Variants in PHTF2 observed in about 807,000 individuals in gnomAD.
PHTF2 encodes putative homeodomain transcription factor 2, also known as protein PHTF2.
Under a neutral mutation model 101.2 loss-of-function variants are expected in PHTF2, and 60 were observed. The ratio of observed to expected loss-of-function variants is 0.59; its 90% CI spans 0.48 to 0.73. The LOEUF is 0.73. Ranked by LOEUF, PHTF2 falls within the 30% of genes least tolerant of loss-of-function variation. The pLI is 0.00. For missense variants in PHTF2, 747 were observed against 908.7 expected (o/e 0.82, Z 2.29); for synonymous variants, 311 against 307.3 (o/e 1.01, Z -0.13).
chr7:77,943,222 G>A lies in PHTF2; in HGVS notation c.1959+436G>A, dbSNP rs568992317. Among the ~76,000 whole-genome samples, 38 of 152,242 alleles carry A rather than the reference G, an allele frequency of 2.5e-4. No homozygotes were observed. In the South Asian group the frequency reaches 7.5e-3, roughly 30 times the overall value. ...TGCAACCTCCGCCTCCCGGGTTCAC[G>A]CCATTCTCCTGCCTCAGCCTCCTGA... On this transcript the variant is annotated intron_variant, in intron 16 of 19. Transcript: ENST00000416283.
At chr7:77,865,772 G>A (rs985965344) in intron 3 of PHTF2, among the ~76,000 whole-genome samples, 5 of 152,098 alleles carry the variant, frequency 3.3e-5, no homozygotes, top group African/African-American at 1.2e-4. Context: ...AATTTATATA[G>A]TTTTTTATTC....
At chr7:77,918,781 C>T (rs1425920611) in intron 9 of PHTF2, among the ~76,000 whole-genome samples, 1 of 152,104 alleles carries the variant, frequency 6.6e-6, no homozygotes, top group Non-Finnish European at 1.5e-5. Flanking sequence ...CTTATTGTTC[C>T]CTTGGTCTCT....
At chr7:77,912,802 G>A (rs562546235) in intron 9 of PHTF2, among the ~76,000 whole-genome samples, 2 of 129,076 alleles carry the variant, frequency 1.5e-5, no homozygotes, top group East Asian at 4.7e-4. Flanking sequence ...GCGTGATCAT[G>A]GCTCCCTGAA....
intron 12 of PHTF2, among the ~76,000 whole-genome samples, chr7:77,935,214 CTTTTTTTTT>C (rs1158677069): frequency 1.4e-4 from 8 of 59,248 alleles, no homozygotes; most frequent in African/African-American, 3.4e-4. Flanking sequence ...GTAATTTACC[CTTTTTTTTT>C]TTTTTTTTTT....
intron 3 of PHTF2, among the ~76,000 whole-genome samples, chr7:77,860,365 C>T (rs1797537311): frequency 6.6e-6 from 1 of 152,170 alleles, no homozygotes; most frequent in South Asian, 2.1e-4. Context: ...TTTGAGGCTA[C>T]AGGATTTTGT....
At chr7:77,914,335 G>A (rs76493347) in intron 9 of PHTF2, among the ~76,000 whole-genome samples, 3 of 152,166 alleles carry the variant, frequency 2.0e-5, no homozygotes, top group Admixed American at 6.5e-5. Flanking sequence ...AGTTGGATAT[G>A]CAATATTTTT....
At chr7:77,878,957 T>C (rs1799174821) in intron 3 of PHTF2, among the ~76,000 whole-genome samples, 1 of 152,226 alleles carries the variant, frequency 6.6e-6, no homozygotes, top group South Asian at 2.1e-4. Flanking sequence ...GTGGATGTTA[T>C]CTAGTTCACC....
chr7:77,940,900 T>TTATTAATTATTAAAAATTATTTAA (rs1181766585), intron 15 of PHTF2, among the ~76,000 whole-genome samples: 2 of 152,220 alleles, frequency 1.3e-5, no homozygotes, highest in African/African-American at 4.8e-5. Flanking sequence ...GACCTATTAC[T>TTATTAATTATTAAAAATTATTTAA]ATTTTAAAAT....
intron 1 of PHTF2, among the ~76,000 whole-genome samples, chr7:77,827,432 G>A (rs918458803): frequency 5.3e-5 from 8 of 152,186 alleles, no homozygotes; most frequent in East Asian, 1.9e-4. Context: ...TCGGCTCATC[G>A]TGACCTCTGC....
At chr7:77,874,930 T>G (rs935479701) in intron 3 of PHTF2, among the ~76,000 whole-genome samples, 5 of 152,220 alleles carry the variant, frequency 3.3e-5, no homozygotes, top group African/African-American at 1.2e-4. Flanking sequence ...CAGGTGGTTA[T>G]AAATAGGTGG....
intron 9 of PHTF2, among the ~76,000 whole-genome samples, chr7:77,911,274 T>C (rs567063110): frequency 6.6e-6 from 1 of 152,066 alleles, no homozygotes; most frequent in East Asian, 1.9e-4. Context: ...CAAAAATGGC[T>C]TTTTGCATAC....
In PHTF2 at chr7:77,841,075, C is replaced by CTT. The variant is rs57283892; in HGVS notation, c.45+794_45+795dup. Among the ~76,000 whole-genome samples the CTT allele has an allele frequency of 1.3e-3, 100 of 77,244 alleles. 11 individuals carry two copies. The highest frequency in any genetic ancestry group is 2.8e-3 in the African/African-American group (42 of 14,888). The allele number at this position is 77,244 out of a possible 152,430, so 50.7% of individuals were successfully genotyped here. ...TTTCTTATATAGGAGAAAAAACAGA[C>CTT]TTTTTTTTTTTTTTTTTTTTGAGAT... On this transcript the variant is annotated intron_variant, in intron 2 of 19. Coordinates refer to ENST00000416283, the Ensembl canonical transcript of PHTF2.
intron 19 of PHTF2, among the ~76,000 whole-genome samples, chr7:77,954,614 A>ATG (rs1806838731): frequency 2.5e-5 from 1 of 39,416 alleles, no homozygotes; most frequent in Non-Finnish European, 5.3e-5. Flanking sequence ...AGTACTGTGT[A>ATG]TATATATATA....
intron 1 of PHTF2, among the ~76,000 whole-genome samples, chr7:77,839,071 A>G (rs1795679983): frequency 6.6e-6 from 1 of 152,146 alleles, no homozygotes; most frequent in South Asian, 2.1e-4. Context: ...AACCTCCGGT[A>G]CTTTGTTTAC....
chr7:77,886,130 TA>T (rs1323294096), intron 3 of PHTF2, among the ~76,000 whole-genome samples: 2 of 152,198 alleles, frequency 1.3e-5, no homozygotes, highest in Admixed American at 1.3e-4. Context: ...CTAATTAAAC[TA>T]TTGATAACTA....
chr7:77,910,408 G>A, exon 9 of PHTF2: 1 of 1,610,476 alleles, frequency 6.2e-7, no homozygotes, highest in Non-Finnish European at 8.5e-7. Context: ...CTTTTTATCA[G>A]GGTTTGTATT....
chr7:77,836,636 C>T (rs1008695266), intron 1 of PHTF2, among the ~76,000 whole-genome samples: 4 of 152,144 alleles, frequency 2.6e-5, no homozygotes, highest in Non-Finnish European at 4.4e-5. Context: ...ACATGGAATA[C>T]TATGCAGCCA....
At chr7:77,944,373 G>A (rs1229803142) in intron 16 of PHTF2, among the ~76,000 whole-genome samples, 2 of 152,176 alleles carry the variant, frequency 1.3e-5, no homozygotes, top group Non-Finnish European at 2.9e-5. Flanking sequence ...TGGACGACAA[G>A]AAGGAAGCTT....
At chr7:77,841,836 A>G (rs973997807) in intron 2 of PHTF2, among the ~76,000 whole-genome samples, 6 of 152,236 alleles carry the variant, frequency 3.9e-5, no homozygotes, top group African/African-American at 1.4e-4. Context: ...AAGGAAAACA[A>G]AACAAAACAA....
Sources: gnomAD v4.1 joint callset for allele counts (sites outside exome capture counted in the v4.1 genomes callset) on GRCh38, gnomAD v4.1.1 for gene constraint, MANE v1.5 for transcripts, NCBI Gene and HGNC (gene_info 2026-07-23, HGNC 2026-07-21) for gene names.